PDE4D: variants seen among roughly 807,000 people sequenced by gnomAD.
The protein encoded by PDE4D is 3',5'-cyclic-AMP phosphodiesterase 4D.
In PDE4D, 24 loss-of-function variants were observed where a neutral mutation model predicts 87.4. That is an observed-to-expected ratio of 0.27 (90% CI 0.20 to 0.39). The LOEUF is 0.39. Ranked by LOEUF, PDE4D falls within the 10% of genes least tolerant of loss-of-function variation. The pLI is 1.00. For missense variants in PDE4D, 714 were observed against 1,041.0 expected (o/e 0.69, Z 4.32); for synonymous variants, 384 against 383.2 (o/e 1.00, Z -0.02).
chr5:59,838,592 C>G (rs1196234027), intron 1 of PDE4D, among the ~76,000 whole-genome samples: 1 of 152,046 alleles, frequency 6.6e-6, no homozygotes, highest in Non-Finnish European at 1.5e-5. Flanking sequence ...TAGGAAATGT[C>G]AGATTACCAA....
chr5:59,469,000 C>G (rs1234745125), intron 1 of PDE4D, among the ~76,000 whole-genome samples: 4 of 152,124 alleles, frequency 2.6e-5, no homozygotes, highest in African/African-American at 9.7e-5. Flanking sequence ...GGTCTGCTTT[C>G]TTAGACATTT....
chr5:59,851,922 C>T (rs1223670147), intron 1 of PDE4D, among the ~76,000 whole-genome samples: 2 of 152,070 alleles, frequency 1.3e-5, no homozygotes, highest in African/African-American at 4.8e-5. Context: ...TTGGTTTCAA[C>T]CTCGAGCTAA....
At chr5:59,604,511 C>G (rs138758569) in intron 1 of PDE4D, among the ~76,000 whole-genome samples, 1 of 151,856 alleles carries the variant, frequency 6.6e-6, no homozygotes, top group African/African-American at 2.4e-5. Flanking sequence ...CTGGGAGGGT[C>G]GACTGTAAAC....
At chr5:59,068,554 A>G (rs1764274985) in intron 5 of PDE4D, among the ~76,000 whole-genome samples, 1 of 152,222 alleles carries the variant, frequency 6.6e-6, no homozygotes, top group Admixed American at 6.6e-5. Flanking sequence ...GTCAACAACA[A>G]ATGAAAATTT....
chr5:59,236,206 G>C (rs1462178274), intron 1 of PDE4D, among the ~76,000 whole-genome samples: 1 of 152,230 alleles, frequency 6.6e-6, no homozygotes, highest in South Asian at 2.1e-4. Flanking sequence ...GGGCAGGAAT[G>C]TATTTATAAC....
chr5:60,413,403 G>A (rs764654087), intron 1 of PDE4D, among the ~76,000 whole-genome samples: 10 of 152,076 alleles, frequency 6.6e-5, no homozygotes, highest in Non-Finnish European at 4.4e-5. Flanking sequence ...GGTCCCAAAG[G>A]TACTCACACA....
intron 1 of PDE4D, among the ~76,000 whole-genome samples, chr5:59,338,445 G>C (rs1236682407): frequency 6.6e-6 from 1 of 152,210 alleles, no homozygotes; most frequent in Non-Finnish European, 1.5e-5. Flanking sequence ...AATGGACTCA[G>C]CATCTCATAT....
chr5:59,121,821 G>C (rs144792664), intron 5 of PDE4D, among the ~76,000 whole-genome samples: 37 of 152,184 alleles, frequency 2.4e-4, no homozygotes, highest in African/African-American at 7.9e-4. Flanking sequence ...TCAACCTAAG[G>C]GTCCCTCAAC....
At chr5:59,658,645 T>C (rs545101909) in intron 1 of PDE4D, among the ~76,000 whole-genome samples, 1 of 152,324 alleles carries the variant, frequency 6.6e-6, no homozygotes, top group Admixed American at 6.5e-5. Context: ...CCTCCCAAAG[T>C]GCTGGAATTA....
intron 1 of PDE4D, among the ~76,000 whole-genome samples, chr5:59,784,185 CA>C (rs965880045): frequency 3.3e-4 from 50 of 151,538 alleles, no homozygotes; most frequent in African/African-American, 1.2e-3. Context: ...CCATAACCCA[CA>C]GCTCTCCAAG....
intron 1 of PDE4D, among the ~76,000 whole-genome samples, chr5:60,212,100 C>T (rs1426470603): frequency 2.0e-5 from 3 of 152,060 alleles, no homozygotes. Context: ...CAGCTGTTAT[C>T]ATGAATTTTA....
chr5:59,880,313 T>C (rs1749254042), intron 1 of PDE4D, among the ~76,000 whole-genome samples: 1 of 152,130 alleles, frequency 6.6e-6, no homozygotes, highest in South Asian at 2.1e-4. Flanking sequence ...TTTTGGTCTG[T>C]TGTCCAGGCT....
chr5:59,128,015 C>CGT (rs55796726), intron 5 of PDE4D, among the ~76,000 whole-genome samples: 8,220 of 144,188 alleles, frequency 0.057, 242 homozygotes, highest in East Asian at 0.096. Flanking sequence ...CTTTCAGAGC[C>CGT]GTGTGTGTGT....
chr5:60,261,149 G>A (rs553616942), intron 1 of PDE4D, among the ~76,000 whole-genome samples: 8 of 152,208 alleles, frequency 5.3e-5, no homozygotes, highest in African/African-American at 1.9e-4. Context: ...GATACAATAG[G>A]AGAAGGTAAA....
intron 1 of PDE4D, among the ~76,000 whole-genome samples, chr5:60,328,498 T>G (rs1224767899): frequency 2.0e-5 from 3 of 152,258 alleles, no homozygotes; most frequent in East Asian, 3.8e-4. Flanking sequence ...AACTACTGTT[T>G]CATTTTCATT....
intron 5 of PDE4D, among the ~76,000 whole-genome samples, chr5:59,082,243 G>T (rs1302042377): frequency 6.6e-6 from 1 of 152,110 alleles, no homozygotes; most frequent in Admixed American, 6.6e-5. Context: ...CCTTTTCATG[G>T]TAATGAATAG....
intron 1 of PDE4D, among the ~76,000 whole-genome samples, chr5:60,439,926 A>C (rs201627080): frequency 0.098 from 13,064 of 132,982 alleles, 833 homozygotes; most frequent in East Asian, 0.33. Flanking sequence ...TAAAAAAAAA[A>C]ACAAAAAAAA....
chr5:59,155,186 TAC>T (rs758657324), intron 5 of PDE4D, among the ~76,000 whole-genome samples: 5 of 151,984 alleles, frequency 3.3e-5, no homozygotes, highest in Non-Finnish European at 7.4e-5. Context: ...ATCTACAGAG[TAC>T]ACAGAGTGAG....
intron 1 of PDE4D, among the ~76,000 whole-genome samples, chr5:59,535,557 T>G (rs897438469): frequency 3.3e-5 from 5 of 152,206 alleles, no homozygotes; most frequent in African/African-American, 4.8e-5. Context: ...CTGATACCTA[T>G]TTGGGCCCTG....
Sources: gnomAD v4.1 joint callset for allele counts (sites outside exome capture counted in the v4.1 genomes callset) on GRCh38, gnomAD v4.1.1 for gene constraint, MANE v1.5 for transcripts, NCBI Gene and HGNC (gene_info 2026-07-23, HGNC 2026-07-21) for gene names.